The following SLAIN1 variants were observed in gnomAD, a reference collection of about 807,000 sequenced individuals.
The protein encoded by SLAIN1 is SLAIN family member 1.
Under a neutral mutation model 55.4 loss-of-function variants are expected in SLAIN1, and 17 were observed. That is an observed-to-expected ratio of 0.31 (90% CI 0.21 to 0.46). The LOEUF (loss-of-function observed/expected upper bound fraction) is 0.46. Among genes scored for constraint, SLAIN1 ranks in the 20% least tolerant of loss-of-function variants. The pLI is 1.00. For synonymous variants in SLAIN1, 348 were observed against 337.4 expected, an observed-to-expected ratio of 1.03 and a Z score of -0.35; for missense variants, 682 against 785.1, an observed-to-expected ratio of 0.87 and a Z score of 1.57.
intron 1 of SLAIN1, among the ~76,000 whole-genome samples, chr13:77,713,681 A>G (rs2091175878): frequency 6.6e-6 from 1 of 152,214 alleles, no homozygotes; most frequent in Non-Finnish European, 1.5e-5. Flanking sequence ...GTATATACCC[A>G]AAGGATTATA....
chr13:77,729,406 GA>G (rs1188408726), intron 2 of SLAIN1, among the ~76,000 whole-genome samples: 1 of 151,724 alleles, frequency 6.6e-6, no homozygotes, highest in South Asian at 2.1e-4. Context: ...CTCCACCAAG[GA>G]AAAAATAAAA....
rs2090997954 is a variant in SLAIN1, at chr13:77,698,582, G to C, written c.626+43G>C. ...TCCTTCCCCGAGACCCTGGCCTCGG[G>C]GGCTTCGGGCACCGGGGAGCGGGGG... On this transcript the variant is annotated intron_variant, in intron 1 of 6. Coordinates refer to ENST00000418532, the MANE Select transcript of SLAIN1 (RefSeq NM_001242868.2). The surrounding 1 kb of genome is among the most constrained non-coding windows in gnomAD (Gnocchi z 4.1). 1 of 1,363,216 alleles carries C rather than the reference G, an allele frequency of 7.3e-7. No individual in the cohort carries two copies. Among genetic ancestry groups the C allele is most frequent in the African/African-American group, 1.5e-5 (1 of 65,878 alleles). The allele number at this position is 1,363,216 out of a possible 1,614,324, so 84.4% of individuals were successfully genotyped here. A position where few individuals can be genotyped will look rare whatever the true frequency, so the allele number is the denominator to read the frequency against.
At chr13:77,701,384 G>A (rs1035128885) in intron 1 of SLAIN1, among the ~76,000 whole-genome samples, 2 of 151,998 alleles carry the variant, frequency 1.3e-5, no homozygotes, top group Admixed American at 6.6e-5. Flanking sequence ...CAATATTTGG[G>A]TTAAGAGTTA....
In SLAIN1 at chr13:77,763,386, A is replaced by T; in HGVS notation, c.*166A>T. 1 of 598,440 alleles carries T rather than the reference A, an allele frequency of 1.7e-6. No homozygotes were observed. The highest frequency in any genetic ancestry group is 3.0e-6 in the Non-Finnish European group (1 of 338,972). The allele number at this position is 598,440 out of a possible 1,614,324, so 37.1% of individuals were successfully genotyped here. ...CCAGTCACCAGAGACTAATTATTGC[A>T]CTTAAATATTTGCCTGAGATACTGC... is the stretch of plus-strand genomic sequence containing the variant. On this transcript the variant is annotated 3_prime_UTR_variant, in exon 7 of 7. Coordinates refer to ENST00000418532, the MANE Select transcript of SLAIN1 (RefSeq NM_001242868.2).
chr13:77,742,089 G>T (rs1873482751), intron 2 of SLAIN1, among the ~76,000 whole-genome samples: 2 of 148,482 alleles, frequency 1.3e-5, no homozygotes, highest in African/African-American at 4.9e-5. Context: ...TTTGGGATTT[G>T]TGTGTGTGTG....
intron 1 of SLAIN1, among the ~76,000 whole-genome samples, chr13:77,707,360 T>TTG (rs147518957): frequency 4.0e-5 from 6 of 151,556 alleles, no homozygotes; most frequent in African/African-American, 4.8e-5. Context: ...ATGTGTGTGC[T>TTG]TGTGTGTGTG....
At chr13:77,739,798 C>T (rs1334868229) in intron 2 of SLAIN1, among the ~76,000 whole-genome samples, 4 of 151,954 alleles carry the variant, frequency 2.6e-5, no homozygotes, top group Admixed American at 6.6e-5. Context: ...GATTTTATCA[C>T]GGGAGCATTT....
chr13:77,738,812 G>A (rs954781682), intron 2 of SLAIN1, among the ~76,000 whole-genome samples: 2 of 152,024 alleles, frequency 1.3e-5, no homozygotes, highest in Admixed American at 6.6e-5. Context: ...GCCAGATGCC[G>A]TGTACAGTAG....
intron 2 of SLAIN1, among the ~76,000 whole-genome samples, chr13:77,740,802 T>TA (rs2154410278): frequency 6.6e-6 from 1 of 152,196 alleles, no homozygotes; most frequent in East Asian, 1.9e-4. Flanking sequence ...TGCTTCCTGT[T>TA]ACAATTCTTT....
chr13:77,722,399 A>T (rs1351895916), intron 2 of SLAIN1, among the ~76,000 whole-genome samples: 1 of 150,104 alleles, frequency 6.7e-6, no homozygotes, highest in Non-Finnish European at 1.5e-5. Flanking sequence ...TTTAAAAAAT[A>T]GTCTTACAAC....
intron 5 of SLAIN1, among the ~76,000 whole-genome samples, chr13:77,756,447 G>A (rs984042601): frequency 6.6e-6 from 1 of 152,062 alleles, no homozygotes; most frequent in African/African-American, 2.4e-5. Flanking sequence ...TCTAGGTATT[G>A]TGATTTTTAA....
chr13:77,719,546 C>G lies in SLAIN1; in HGVS notation c.641C>G (p.Ser214Cys), dbSNP rs552349429. 6.8e-6 allele frequency: 11 copies of G among 1,612,778 alleles called. No individual in the cohort carries two copies. In the African/African-American group the frequency reaches 1.5e-4, roughly 22 times the overall value. The change falls in exon 2 of 7, where the codon TCT (serine) becomes TGT (cysteine). Residue 214 changes from serine (S) to cysteine (C), a missense_variant. Ser to Cys is a moderately radical substitution (Grantham distance 112, BLOSUM62 -1). Transcript: ENST00000418532. ...CTTTTTTTAAGGTTATACATTGGCT[C>G]TTCAAAGACGTTCACCTCATCAGAG... is the stretch of plus-strand genomic sequence containing the variant. ...EDDYTWLYIGSSKTFTSSEKS... is the reference protein window; with the variant it reads ...EDDYTWLYIGCSKTFTSSEKS...
At position 77,753,262 on chromosome 13, in the gene SLAIN1, A is replaced by G. The variant is rs761801376; in HGVS notation, c.1318A>G (p.Ser440Gly). The G allele has an allele frequency of 3.5e-5, 56 of 1,613,284 alleles. No individual in the cohort carries two copies. Among genetic ancestry groups the G allele is most frequent in the Middle Eastern group, 3.3e-4 (2 of 6,058 alleles). ...GATGCCAAGTACAACTGCCATTAGT[A>G]GCAACATTAGTTCTCCGGTCACCGT... The part of the protein sequence containing the change: ...ARMPSTTAIS[S>G]NISSPVTVRN... Residue 440 changes from serine to glycine, a missense_variant, in exon 5 of 7, where the codon AGC becomes GGC. Around this residue, in one of 3 missense-constraint regions of SLAIN1, gnomAD observed 244 missense variants for 295.2 expected, o/e 0.83. Coordinates refer to ENST00000418532, the MANE Select transcript of SLAIN1 (RefSeq NM_001242868.2).
chr13:77,739,755 C>G (rs1484988807), intron 2 of SLAIN1, among the ~76,000 whole-genome samples: 1 of 151,950 alleles, frequency 6.6e-6, no homozygotes, highest in Non-Finnish European at 1.5e-5. Context: ...TTCCTTAAAC[C>G]CATTCTGTCG....
chr13:77,762,267 A>T (rs1159714305), intron 6 of SLAIN1, among the ~76,000 whole-genome samples: 1 of 152,212 alleles, frequency 6.6e-6, no homozygotes, highest in African/African-American at 2.4e-5. Flanking sequence ...TGGTTATTGT[A>T]GACCATACAT....
At chr13:77,761,194 A>C in intron 6 of SLAIN1, 84 bp downstream of exon 6, 3 of 1,370,516 alleles carry the variant, frequency 2.2e-6, no homozygotes, top group South Asian at 2.7e-5. Flanking sequence ...CCTTTGGCTC[A>C]CTTTAACCTT....
chr13:77,745,629 TAATC>T (rs1483703215), intron 3 of SLAIN1, among the ~76,000 whole-genome samples: 2 of 152,118 alleles, frequency 1.3e-5, no homozygotes, highest in Admixed American at 6.6e-5. Context: ...TAAGTAGAAA[TAATC>T]AAGTATCATT....
At chr13:77,699,081 T>A in intron 1 of SLAIN1, 1 of 1,521,494 alleles carries the variant, frequency 6.6e-7, no homozygotes, top group East Asian at 2.5e-5. Flanking sequence ...GTTTGAATTT[T>A]GCAGTCGTGT....
chr13:77,740,661 G>C (rs916478876), intron 2 of SLAIN1, among the ~76,000 whole-genome samples: 2 of 150,852 alleles, frequency 1.3e-5, no homozygotes, highest in Admixed American at 6.6e-5. Context: ...GAGCTATTTC[G>C]GTCATCACTG....
Sources: gnomAD v4.1 joint callset for allele counts (sites outside exome capture counted in the v4.1 genomes callset) on GRCh38, gnomAD v4.1.1 for gene constraint, gnomAD v4.1.1 regional missense constraint, Gnocchi (gnomAD v3.1) non-coding constraint, MANE v1.5 for transcripts, NCBI Gene and HGNC (gene_info 2026-07-23, HGNC 2026-07-21) for gene names.